Variants in DMXL2 observed in about 807,000 individuals in gnomAD.
DMXL2 encodes Dmx like 2, also known as dmX-like protein 2.
A neutral mutation model predicts 331.1 loss-of-function variants in DMXL2; 103 were observed. That is an observed-to-expected ratio of 0.31 (90% CI 0.27 to 0.37). DMXL2 has a LOEUF of 0.37. DMXL2 is among the 10% of genes least tolerant of loss of function. The pLI is 1.00. For synonymous variants in DMXL2, 1,281 were observed against 1,252.1 expected, an observed-to-expected ratio of 1.02 and a Z score of -0.49; for missense variants, 3,171 against 3,642.9, an observed-to-expected ratio of 0.87 and a Z score of 3.33.
intron 1 of DMXL2, among the ~76,000 whole-genome samples, chr15:51,619,967 G>C (rs1031699050): frequency 2.6e-5 from 4 of 152,282 alleles, no homozygotes; most frequent in African/African-American, 9.6e-5. Context: ...ATCTGATCCA[G>C]AACTAAAGTT....
intron 1 of DMXL2, among the ~76,000 whole-genome samples, chr15:51,606,548 C>T (rs971658510): frequency 6.6e-6 from 1 of 152,174 alleles, no homozygotes; most frequent in Non-Finnish European, 1.5e-5. Flanking sequence ...TAGAAAATTT[C>T]AAGCCTTGCG....
At chr15:51,565,314 T>C in intron 3 of DMXL2, 148 bp from the exon 4 acceptor site, 2 of 538,194 alleles carry the variant, frequency 3.7e-6, no homozygotes, top group South Asian at 3.4e-5. Flanking sequence ...TATTTTCATA[T>C]ACTGTTTTTA....
chr15:51,530,265 C>A (rs1450472776), intron 13 of DMXL2, among the ~76,000 whole-genome samples: 1 of 151,988 alleles, frequency 6.6e-6, no homozygotes, highest in Non-Finnish European at 1.5e-5. Flanking sequence ...AAAAGGCATC[C>A]AAATTGGAAA....
At chr15:51,510,101 T>C (rs1302291141) in intron 15 of DMXL2, among the ~76,000 whole-genome samples, 2 of 152,212 alleles carry the variant, frequency 1.3e-5, no homozygotes, top group Non-Finnish European at 2.9e-5. Context: ...GCCAATATCA[T>C]GCTGAATGGG....
intron 2 of DMXL2, among the ~76,000 whole-genome samples, chr15:51,572,634 C>T (rs1264269483): frequency 2.0e-5 from 3 of 152,130 alleles, no homozygotes; most frequent in African/African-American, 7.2e-5. Flanking sequence ...GTTCAACATA[C>T]ACAAATCAAT....
chr15:51,573,801 C>T (rs1184471720), intron 2 of DMXL2, among the ~76,000 whole-genome samples: 1 of 151,850 alleles, frequency 6.6e-6, no homozygotes, highest in Non-Finnish European at 1.5e-5. Flanking sequence ...ATGTAACAAA[C>T]CTACACGTTC....
At chr15:51,489,225 AT>A (rs933703606) in intron 20 of DMXL2, among the ~76,000 whole-genome samples, 48 of 152,366 alleles carry the variant, frequency 3.2e-4, no homozygotes, top group African/African-American at 1.1e-3. Context: ...GCCTCTGCAA[AT>A]CATTAAGTTG....
intron 1 of DMXL2, 78 bp downstream of exon 1, chr15:51,622,381 G>A (rs2054707961): frequency 3.9e-6 from 6 of 1,534,596 alleles, no homozygotes; most frequent in South Asian, 2.4e-5. Context: ...CTGAGGAGGC[G>A]TGCGCCCTGG....
intron 13 of DMXL2, among the ~76,000 whole-genome samples, chr15:51,519,671 TCACTCTTGCTGC>T (rs1385878764): frequency 6.8e-6 from 1 of 147,378 alleles, no homozygotes; most frequent in African/African-American, 2.5e-5. Flanking sequence ...AGATGGAGTT[TCACTCTTGCTGC>T]CCAGGCTGAA....
At chr15:51,469,788 A>G (rs1446228867) in intron 29 of DMXL2, among the ~76,000 whole-genome samples, 1 of 152,224 alleles carries the variant, frequency 6.6e-6, no homozygotes, top group Non-Finnish European at 1.5e-5. Flanking sequence ...TACATTTTTA[A>G]GAGTACTTTA....
intron 6 of DMXL2, among the ~76,000 whole-genome samples, chr15:51,553,783 AG>A (rs2049371396): frequency 8.7e-6 from 1 of 115,434 alleles, no homozygotes; most frequent in African/African-American, 3.1e-5. Context: ...TGCCACATGC[AG>A]GGTTTAAAAA....
At chr15:51,464,262 G>A (rs755623618) in intron 32 of DMXL2, among the ~76,000 whole-genome samples, 1 of 152,092 alleles carries the variant, frequency 6.6e-6, no homozygotes, top group African/African-American at 2.4e-5. Flanking sequence ...AAAATTAGCC[G>A]ATGGCGCTCG....
At position 51,538,308 on chromosome 15, in the gene DMXL2, T is replaced by G. The variant is rs755923070; in HGVS notation, c.1250A>C (p.Lys417Thr). 3 of 1,613,898 alleles carry G rather than the reference T, an allele frequency of 1.9e-6. No homozygotes were observed. The Admixed American group carries it at 5.0e-5, about 27-fold the overall frequency. Reference protein sequence around the residue: ...FMHQLRKLSDKQVDHENDDAD... With the variant: ...FMHQLRKLSDTQVDHENDDAD... ...ATCATCATTTTCATGATCTACCTGC[T>G]TATCAGAAAGTTTTCGTAATTGATG... Residue 417 changes from lysine to threonine, a missense_variant, in exon 10 of 44, where the codon AAG (lysine) becomes ACG (threonine). By Grantham distance (78) the Lys-to-Thr change is moderately conservative. Transcript: ENST00000560891.
At chr15:51,621,661 T>A (rs1424897367) in intron 1 of DMXL2, among the ~76,000 whole-genome samples, 1 of 152,186 alleles carries the variant, frequency 6.6e-6, no homozygotes, top group East Asian at 1.9e-4. Context: ...TCATCTAGCT[T>A]TTAAGGAGAT....
rs150269937 is a variant in DMXL2 at position 51,460,186 on chromosome 15, G to A, written c.7927-526C>T. The A allele has an allele frequency of 7.9e-5, 78 of 986,782 alleles. No homozygotes were observed. The East Asian group carries it at 9.0e-4, about 11-fold the overall frequency. 61.1% of individuals were successfully genotyped at this position (986,782 alleles called of 1,614,324 possible). A position where few individuals can be genotyped will look rare whatever the true frequency, so the allele number is the denominator to read the frequency against. On this transcript the variant is annotated intron_variant, in intron 33 of 43. Transcript: ENST00000560891. Reference sequence around the variant, plus strand: ...AGAAATAACTCAGTAATTTGCTCCCGGGTTGATGCAGGGTCCTAAGGATGG... The same window carrying A: ...AGAAATAACTCAGTAATTTGCTCCCAGGTTGATGCAGGGTCCTAAGGATGG...
chr15:51,541,064 G>A (rs923078533), intron 9 of DMXL2, among the ~76,000 whole-genome samples: 1 of 152,116 alleles, frequency 6.6e-6, no homozygotes, highest in Admixed American at 6.6e-5. Flanking sequence ...TCAAGAAACG[G>A]TTCTTTTAAA....
Position 51,457,407 on chromosome 15 carries a change from G to T in DMXL2, c.8258C>A (p.Ser2753Tyr), listed in dbSNP as rs1424016410. 4 of 1,614,188 alleles carry T rather than the reference G, an allele frequency of 2.5e-6. No homozygotes were observed. The East Asian group carries it at 6.7e-5, about 27-fold the overall frequency. ...TTTLYQPSATSYSASQVHPPS... is the reference protein window; with the variant it reads ...TTTLYQPSATYYSASQVHPPS... Reference sequence around the variant, plus strand: ...TGGATGCACCTGACTTGCTGAATAGGATGTTGCACTGGGTTGATAAAGAGT... The same window carrying T: ...TGGATGCACCTGACTTGCTGAATAGTATGTTGCACTGGGTTGATAAAGAGT... The change falls in exon 37 of 44, where the codon TCC becomes TAC. Residue 2753 changes from serine to tyrosine, a missense_variant. By Grantham distance (144) the Ser-to-Tyr change is moderately radical. Transcript: ENST00000560891.
chr15:51,458,572 A>T lies in DMXL2; in HGVS notation c.8132T>A (p.Val2711Asp). ...ASTHDVQELD[V>D]TSLLACQSYI... ...TGACTGACAGGCCAGTAGAGAAGTA[A>T]CATCAAGTTCTTGAACATCATGTGT... Residue 2711 changes from valine to aspartate, a missense_variant, in exon 36 of 44, where the codon GTT becomes GAT. By Grantham distance (152) the Val-to-Asp change is radical (BLOSUM62 -3). Coordinates refer to ENST00000560891, the MANE Select transcript of DMXL2 (RefSeq NM_001378457.1). The T allele has an allele frequency of 1.2e-6, 2 of 1,614,024 alleles. No individual in the cohort carries two copies. The highest frequency in any genetic ancestry group is 1.7e-6 in the Non-Finnish European group (2 of 1,179,890).
At chr15:51,594,175 CTAAT>C (rs1567164796) in intron 1 of DMXL2, among the ~76,000 whole-genome samples, 1 of 151,980 alleles carries the variant, frequency 6.6e-6, no homozygotes, top group Admixed American at 6.6e-5. Flanking sequence ...ACTAGCAAGA[CTAAT>C]AAAGAAGAAA....
Sources: allele counts gnomAD v4.1 joint callset (sites outside exome capture counted in the v4.1 genomes callset), GRCh38; gene constraint gnomAD v4.1.1; transcripts MANE v1.5; gene names NCBI Gene and HGNC (gene_info 2026-07-23, HGNC 2026-07-21).